ASCC2: variants seen among roughly 807,000 people sequenced by gnomAD.
ASCC2 encodes ASC-1 complex subunit P100.
In ASCC2, 42 loss-of-function variants were observed where a neutral mutation model predicts 93.5. The observed-to-expected ratio is 0.45, with a 90% confidence interval of 0.35 to 0.58. ASCC2 has a LOEUF of 0.58. ASCC2 is among the 20% of genes least tolerant of loss of function. The probability of loss-of-function intolerance (pLI) is 0.00; values close to 1 mark genes in which losing one functional copy is unlikely to be tolerated. For missense variants in ASCC2, 859 were observed against 977.6 expected (o/e 0.88, Z 1.62); for synonymous variants, 364 against 384.2 (o/e 0.95, Z 0.62).
At chr22:29,792,351 C>T in intron 18 of ASCC2, 82 bp downstream of exon 18, 2 of 1,578,284 alleles carry the variant, frequency 1.3e-6, no homozygotes, top group Admixed American at 1.7e-5. Context: ...CAGGGCCAGA[C>T]ATAGGGAGGG....
At chr22:29,816,112 G>C (rs1341344544) in intron 5 of ASCC2, 39 bp from the exon 6 acceptor site, 1 of 1,498,630 alleles carries the variant, frequency 6.7e-7, no homozygotes, top group African/African-American at 1.4e-5. Context: ...GAGAAAAGGT[G>C]GGGGCTCGGG....
chr22:29,808,490 A>T (rs567133776), intron 8 of ASCC2, among the ~76,000 whole-genome samples: 1 of 152,328 alleles, frequency 6.6e-6, no homozygotes, highest in South Asian at 2.1e-4. Context: ...TTTGAGAAGC[A>T]GATCCAAGAT....
intron 1 of ASCC2, 114 bp from the exon 2 acceptor site, chr22:29,832,456 A>G (rs1322402369): frequency 2.5e-6 from 2 of 808,550 alleles, no homozygotes; most frequent in Non-Finnish European, 3.9e-6. Context: ...TCGCCTTAGG[A>G]GGCTCCTGTT....
At chr22:29,823,337 C>T (rs28749829) in intron 4 of ASCC2, among the ~76,000 whole-genome samples, 46,190 of 152,160 alleles carry the variant, frequency 0.3, 8,275 homozygotes, top group East Asian at 0.59. Flanking sequence ...CCATACCAGG[C>T]CCATTCTCCC....
chr22:29,795,371 TAAACA>T (rs1447555090), intron 15 of ASCC2, among the ~76,000 whole-genome samples: 2 of 152,206 alleles, frequency 1.3e-5, no homozygotes, highest in Non-Finnish European at 2.9e-5. Flanking sequence ...CTGGATCTCT[TAAACA>T]AAATTTTTTT....
Position 29,793,370 on chromosome 22 carries a change from T to A in ASCC2, c.1909A>T (p.Ile637Phe), listed in dbSNP as rs139224873. 4 of 1,613,434 alleles carry A rather than the reference T, an allele frequency of 2.5e-6. No homozygotes were observed. Among genetic ancestry groups the A allele is most frequent in the Non-Finnish European group, 2.5e-6 (3 of 1,179,788 alleles). The change falls in exon 17 of 20, where the codon ATC becomes TTC. Residue 637 changes from isoleucine to phenylalanine, a missense_variant. Coordinates refer to ENST00000307790, the MANE Select transcript of ASCC2 (RefSeq NM_032204.5). ...ANDADSDDEL[I>F]SRRPFTIPQV... ...CCACTATGGCCTCACCTGCGGCTGA[T>A]GAGCTCGTCATCAGAGTCTGCATCA...
intron 15 of ASCC2, among the ~76,000 whole-genome samples, chr22:29,794,523 G>A (rs1364385489): frequency 1.3e-5 from 2 of 152,038 alleles, no homozygotes; most frequent in Admixed American, 6.6e-5. Flanking sequence ...AAGGTAAAAT[G>A]TGCGTACCTT....
chr22:29,834,437 C>A (rs1202391959), intron 1 of ASCC2: 1 of 465,766 alleles, frequency 2.1e-6, no homozygotes, highest in East Asian at 7.0e-5. Flanking sequence ...TGTGAAGATC[C>A]CCACCCTAGA....
At chr22:29,822,588 A>C in intron 4 of ASCC2, 124 bp from the exon 5 acceptor site, 1 of 1,133,878 alleles carries the variant, frequency 8.8e-7, no homozygotes, top group South Asian at 1.5e-5. Context: ...TGCCTTATGC[A>C]TAGACCTGGA....
chr22:29,827,804 CATTCTG>C, intron 2 of ASCC2, among the ~76,000 whole-genome samples: 1 of 73,112 alleles, frequency 1.4e-5, no homozygotes. Context: ...CCAGGCTACT[CATTCTG>C]ACACACACAC....
intron 1 of ASCC2, among the ~76,000 whole-genome samples, chr22:29,837,623 G>A (rs571597462): frequency 3.7e-4 from 56 of 152,176 alleles, no homozygotes; most frequent in African/African-American, 1.0e-3. Context: ...GCATCCCCGG[G>A]GCTACTGCTC....
intron 2 of ASCC2, among the ~76,000 whole-genome samples, chr22:29,831,981 C>T (rs1184928797): frequency 6.6e-6 from 1 of 152,178 alleles, no homozygotes; most frequent in Non-Finnish European, 1.5e-5. Context: ...TGAATTAGAA[C>T]TGCCATTGGA....
chr22:29,794,169 G>GC (rs2058129048), intron 15 of ASCC2, among the ~76,000 whole-genome samples: 1 of 151,098 alleles, frequency 6.6e-6, no homozygotes, highest in African/African-American at 2.4e-5. Flanking sequence ...ACAGGTGTGA[G>GC]CCGCTGCGCC....
At chr22:29,837,412 G>A (rs1361131197) in intron 1 of ASCC2, among the ~76,000 whole-genome samples, 1 of 151,404 alleles carries the variant, frequency 6.6e-6, no homozygotes. Context: ...CAGCCTGGGC[G>A]ACAGAGCAAG....
At chr22:29,821,896 G>A in intron 5 of ASCC2, 1 of 438,094 alleles carries the variant, frequency 2.3e-6, no homozygotes, top group Non-Finnish European at 4.5e-6. Context: ...GTACCTGGGA[G>A]GCTGAGTTGG....
At chr22:29,835,429 CT>C (rs1273092822) in intron 1 of ASCC2, among the ~76,000 whole-genome samples, 2 of 151,202 alleles carry the variant, frequency 1.3e-5, no homozygotes, top group African/African-American at 4.9e-5. Context: ...AATTTTTTTT[CT>C]TTAAAAGAAA....
At chr22:29,828,520 C>CCT (rs931529658) in intron 2 of ASCC2, among the ~76,000 whole-genome samples, 7 of 152,180 alleles carry the variant, frequency 4.6e-5, no homozygotes, top group African/African-American at 1.7e-4. Context: ...ACACTGCAGA[C>CCT]CTATTAAATG....
chr22:29,789,321 G>A, intron 19 of ASCC2, 137 bp from the exon 20 acceptor site: 2 of 1,073,120 alleles, frequency 1.9e-6, no homozygotes, highest in South Asian at 1.5e-5. Flanking sequence ...ACTTCAGATG[G>A]AAGGAGAGAT....
intron 5 of ASCC2, among the ~76,000 whole-genome samples, chr22:29,820,341 T>C (rs958369720): frequency 7.2e-5 from 11 of 151,964 alleles, no homozygotes; most frequent in Admixed American, 3.9e-4. Context: ...TTTTTGTATT[T>C]TTAGTAGAGA....
Sources: gnomAD v4.1 joint callset for allele counts (sites outside exome capture counted in the v4.1 genomes callset) on GRCh38, gnomAD v4.1.1 for gene constraint, MANE v1.5 for transcripts, NCBI Gene and HGNC (gene_info 2026-07-23, HGNC 2026-07-21) for gene names.